Variants in RSPO2 observed in about 807,000 individuals in gnomAD.
RSPO2 encodes R-spondin-2.
A neutral mutation model predicts 30.9 loss-of-function variants in RSPO2; 14 were observed. That is an observed-to-expected ratio of 0.45 (90% CI 0.30 to 0.71). RSPO2 has a LOEUF of 0.71. Ranked by LOEUF, RSPO2 falls within the 30% of genes least tolerant of loss-of-function variation. The pLI is 0.08. For synonymous variants in RSPO2, 107 were observed against 96.4 expected (o/e 1.11, Z -0.64); for missense variants, 264 against 301.9 (o/e 0.87, Z 0.93).
At chr8:108,034,418 G>A (rs1290546658) in intron 2 of RSPO2, among the ~76,000 whole-genome samples, 8 of 152,286 alleles carry the variant, frequency 5.3e-5, no homozygotes, top group Middle Eastern at 3.4e-3. Context: ...TGATGGCATC[G>A]TGGTTGTAAA....
chr8:107,981,712 A>C (rs1174956026), intron 3 of RSPO2, among the ~76,000 whole-genome samples: 3 of 152,128 alleles, frequency 2.0e-5, no homozygotes, highest in Non-Finnish European at 4.4e-5. Flanking sequence ...TTCATTTGAA[A>C]AGCAAAATGT....
chr8:107,999,031 A>G (rs1194731370), intron 2 of RSPO2, among the ~76,000 whole-genome samples: 4 of 152,176 alleles, frequency 2.6e-5, no homozygotes, highest in African/African-American at 4.8e-5. Context: ...GTAAGACTCC[A>G]TCTCCAAAAA....
At chr8:107,980,685 C>T (rs1654155996) in intron 3 of RSPO2, among the ~76,000 whole-genome samples, 1 of 152,170 alleles carries the variant, frequency 6.6e-6, no homozygotes, top group Non-Finnish European at 1.5e-5. Context: ...CATGCTCATG[C>T]ATTTCCTCTA....
At chr8:108,046,142 G>A (rs996611689) in intron 2 of RSPO2, among the ~76,000 whole-genome samples, 3 of 152,126 alleles carry the variant, frequency 2.0e-5, no homozygotes, top group Non-Finnish European at 2.9e-5. Flanking sequence ...ACACATTTCC[G>A]AGTATGGAAA....
intron 5 of RSPO2, among the ~76,000 whole-genome samples, chr8:107,951,307 C>T (rs1390027935): frequency 6.6e-6 from 1 of 152,058 alleles, no homozygotes; most frequent in Non-Finnish European, 1.5e-5. Context: ...CTGCCTTGTG[C>T]TCCCGTAATG....
At chr8:108,077,155 T>C (rs1274153490) in intron 2 of RSPO2, among the ~76,000 whole-genome samples, 3 of 152,220 alleles carry the variant, frequency 2.0e-5, no homozygotes, top group Non-Finnish European at 2.9e-5. Flanking sequence ...ACTTTTAATA[T>C]TTTTCTTGTT....
intron 2 of RSPO2, chr8:108,081,949 G>GA (rs71308778): frequency 0.2 from 195,895 of 984,416 alleles, 20,677 homozygotes; most frequent in East Asian, 0.39. Context: ...GCAGTTTCCA[G>GA]AAAAAAGAGA....
chr8:108,001,132 C>A (rs1274561591), intron 2 of RSPO2, among the ~76,000 whole-genome samples: 1 of 152,184 alleles, frequency 6.6e-6, no homozygotes, highest in Non-Finnish European at 1.5e-5. Flanking sequence ...GTGGAGCTTG[C>A]AGTGAGCCAA....
intron 3 of RSPO2, among the ~76,000 whole-genome samples, chr8:107,966,949 G>A (rs1384322472): frequency 1.3e-5 from 2 of 152,132 alleles, no homozygotes; most frequent in African/African-American, 4.8e-5. Flanking sequence ...TGCCCATCAG[G>A]GCTGTGGACT....
chr8:107,903,506 T>C (rs1811544523), intron 5 of RSPO2, among the ~76,000 whole-genome samples: 1 of 152,146 alleles, frequency 6.6e-6, no homozygotes, highest in Non-Finnish European at 1.5e-5. Context: ...CAATATTAAA[T>C]GGTTTTGGGT....
At chr8:107,963,702 TAC>T in intron 3 of RSPO2, among the ~76,000 whole-genome samples, 1 of 152,048 alleles carries the variant, frequency 6.6e-6, no homozygotes, top group East Asian at 1.9e-4. Context: ...CCTTTATAAT[TAC>T]ATTTATGTAA....
At chr8:107,962,860 G>C (rs1302025907) in intron 3 of RSPO2, among the ~76,000 whole-genome samples, 1 of 151,892 alleles carries the variant, frequency 6.6e-6, no homozygotes, top group African/African-American at 2.4e-5. Context: ...TCATCTATGA[G>C]GTCTGACTTC....
intron 2 of RSPO2, among the ~76,000 whole-genome samples, chr8:108,048,382 CAA>C (rs1439365322): frequency 8.6e-5 from 13 of 151,464 alleles, no homozygotes; most frequent in African/African-American, 3.2e-4. Flanking sequence ...CTAGATAGAA[CAA>C]AGTCACAAAG....
chr8:108,004,239 T>C (rs1815375131), intron 2 of RSPO2, among the ~76,000 whole-genome samples: 1 of 152,190 alleles, frequency 6.6e-6, no homozygotes, highest in Non-Finnish European at 1.5e-5. Context: ...GAATTATAAA[T>C]GGAAAGTCTT....
chr8:107,958,963 T>C (rs891392890), intron 4 of RSPO2, among the ~76,000 whole-genome samples: 1 of 152,192 alleles, frequency 6.6e-6, no homozygotes, highest in African/African-American at 2.4e-5. Context: ...AACATTTAGA[T>C]TGATCCCATG....
rs554423643 is a variant in RSPO2, at chr8:107,967,446, T to C, written c.284-6629A>G. On this transcript the variant is annotated intron_variant, in intron 3 of 5. Transcript: ENST00000276659. ...CCACTAGACTATGTATTGATAAAAA[T>C]TATTATACCTAAAAGCTAAAATTAC... Among the ~76,000 whole-genome samples, 5 of 152,256 alleles carry C rather than the reference T, an allele frequency of 3.3e-5. No individual in the cohort carries two copies. The East Asian group carries it at 9.6e-4, about 29-fold the overall frequency.
chr8:107,975,776 T>C (rs117783615), intron 3 of RSPO2, among the ~76,000 whole-genome samples: 2,545 of 152,234 alleles, frequency 0.017, 29 homozygotes, highest in Non-Finnish European at 0.023. Context: ...CAATTGACAA[T>C]TGTGAGATTT....
chr8:108,078,701 T>C (rs544307959), intron 2 of RSPO2, among the ~76,000 whole-genome samples: 13 of 152,304 alleles, frequency 8.5e-5, no homozygotes, highest in South Asian at 2.1e-4. Flanking sequence ...TATCTAATTT[T>C]GTGAAACAAG....
intron 3 of RSPO2, among the ~76,000 whole-genome samples, chr8:107,978,408 C>A (rs1347374434): frequency 1.3e-5 from 2 of 151,728 alleles, no homozygotes; most frequent in Non-Finnish European, 2.9e-5. Flanking sequence ...GCCTGGGCAA[C>A]AAAAAAAGAA....
Sources: gnomAD v4.1 joint callset for allele counts (sites outside exome capture counted in the v4.1 genomes callset) on GRCh38, gnomAD v4.1.1 for gene constraint, MANE v1.5 for transcripts, NCBI Gene and HGNC (gene_info 2026-07-23, HGNC 2026-07-21) for gene names.